Variants in IL4R observed in about 807,000 individuals in gnomAD.
IL4R encodes interleukin-4 receptor subunit alpha.
A neutral mutation model predicts 41.5 loss-of-function variants in IL4R; 17 were observed. The observed-to-expected ratio is 0.41, with a 90% confidence interval of 0.28 to 0.61. The LOEUF (loss-of-function observed/expected upper bound fraction) is 0.61, where lower values mean the gene tolerates loss of function less well. Ranked by LOEUF, IL4R falls within the 20% of genes least tolerant of loss-of-function variation. IL4R has a pLI of 0.31. For missense variants in IL4R, 974 were observed against 1,043.1 expected, an observed-to-expected ratio of 0.93 and a Z score of 0.91; for synonymous variants, 402 against 422.9, an observed-to-expected ratio of 0.95 and a Z score of 0.61.
In IL4R at chr16:27,345,835, G is replaced by C; in HGVS notation, c.362-632G>C. 6.6e-6 allele frequency among the ~76,000 whole-genome samples: 1 copy of C among 152,112 alleles called. No homozygotes were observed. The highest frequency in any genetic ancestry group is 1.9e-4 in the East Asian group (1 of 5,186). On this transcript the variant is annotated intron_variant, in intron 5 of 10. Transcript: ENST00000395762. The surrounding 1 kb of genome is among the most constrained non-coding windows in gnomAD (Gnocchi z 4.5). The stretch of plus-strand genomic sequence containing the variant: ...AAAATACAAAAAATTAGTCTGGCAT[G>C]GTGGCAGGCGCCTGTAATCCCAGCT...
intron 1 of IL4R, among the ~76,000 whole-genome samples, chr16:27,329,309 T>G (rs1307137549): frequency 6.6e-6 from 1 of 152,144 alleles, no homozygotes; most frequent in East Asian, 1.9e-4. Flanking sequence ...TGTAAATTAC[T>G]CAGTCTCAGA....
chr16:27,354,520 G>A (rs907023936), intron 7 of IL4R, among the ~76,000 whole-genome samples: 5 of 152,190 alleles, frequency 3.3e-5, no homozygotes, highest in Non-Finnish European at 7.3e-5. Flanking sequence ...CATGGTTACT[G>A]TTATTACTTG....
chr16:27,322,824 A>T (rs1156989691), intron 1 of IL4R, among the ~76,000 whole-genome samples: 1 of 152,208 alleles, frequency 6.6e-6, no homozygotes, highest in South Asian at 2.1e-4. Context: ...AAGCCAGATG[A>T]GTTAAAAACA....
chr16:27,318,540 A>C (rs1398968488), intron 1 of IL4R: 1 of 152,250 alleles, frequency 6.6e-6, no homozygotes, highest in Non-Finnish European at 1.5e-5. Context: ...CTGCATGCAC[A>C]GTTCTGTCTA....
intron 3 of IL4R, among the ~76,000 whole-genome samples, chr16:27,341,541 A>G (rs529129110): frequency 2.0e-5 from 3 of 152,102 alleles, no homozygotes; most frequent in Non-Finnish European, 4.4e-5. Flanking sequence ...CAGTCCTGCC[A>G]TGGCCACTGA....
intron 2 of IL4R, among the ~76,000 whole-genome samples, chr16:27,331,817 C>A (rs903894840): frequency 6.6e-6 from 1 of 151,922 alleles, no homozygotes; most frequent in African/African-American, 2.4e-5. Flanking sequence ...TCAGAATAAT[C>A]ACACAGATTT....
At chr16:27,318,047 T>C (rs1596738363) in intron 1 of IL4R, among the ~76,000 whole-genome samples, 1 of 152,204 alleles carries the variant, frequency 6.6e-6, no homozygotes, top group Admixed American at 6.5e-5. Context: ...CCAATACATA[T>C]GTTCAGATCG....
rs772907459 is a variant in IL4R, at chr16:27,355,776, C to A, written c.671-32C>A. ...GGAGCCCAGGCTGTACCATGGCTGA[C>A]CTCAGCTCATGGCTTCCCCTCCCAC... is the stretch of plus-strand genomic sequence containing the variant. On this transcript the variant is annotated intron_variant, in intron 7 of 10. Transcript: ENST00000395762. 2.7e-6 allele frequency: 4 copies of A among 1,484,498 alleles called. No individual in the cohort carries two copies. The African/African-American group carries it at 5.5e-5, about 21-fold the overall frequency. 92.0% of individuals were successfully genotyped at this position (1,484,498 alleles called of 1,614,324 possible). A position where few individuals can be genotyped will look rare whatever the true frequency, so the allele number is the denominator to read the frequency against.
At chr16:27,352,746 C>G in intron 7 of IL4R, 50 bp downstream of exon 7, 2 of 1,575,958 alleles carry the variant, frequency 1.3e-6, no homozygotes, top group South Asian at 1.1e-5. Flanking sequence ...TCCATTCTTC[C>G]CCTGTGGCCA....
chr16:27,351,379 G>T (rs1453966046), intron 6 of IL4R, among the ~76,000 whole-genome samples: 1 of 152,094 alleles, frequency 6.6e-6, no homozygotes, highest in Non-Finnish European at 1.5e-5. Context: ...TATTCTGTGG[G>T]TTAGAAACAA....
chr16:27,345,460 C>A lies in IL4R; in HGVS notation c.361+440C>A. On this transcript the variant is annotated intron_variant, in intron 5 of 10. Transcript: ENST00000395762. This position sits in a 1 kb window ranked among gnomAD's most constrained non-coding sequence, Gnocchi z 4.5. ...CCTGCAGGAATCCCCCTTGAGCTTG[C>A]TGGGCTGTGGTGACAGGAGTTTAAA... 3.1e-6 allele frequency: 1 copy of A among 324,152 alleles called. No homozygotes were observed. The highest frequency in any genetic ancestry group is 2.6e-5 in the South Asian group (1 of 38,484). The allele number at this position is 324,152 out of a possible 1,614,324, so 20.1% of individuals were successfully genotyped here. A position where few individuals can be genotyped will look rare whatever the true frequency, so the allele number is the denominator to read the frequency against.
Position 27,363,779 on chromosome 16 carries a change from CA to C in IL4R, c.2431del (p.Ile811SerfsTer2). The C allele has an allele frequency of 6.2e-7, 1 of 1,610,806 alleles. No homozygotes were observed. The stretch of plus-strand genomic sequence containing the variant: ...ATGCTCAGAGCTCAAGCCAGACCCC[CA>C]AAATCGTGAACTTTGTCTCCGTGGG... ...GNAQSSSQTP[K>X]IVNFVSVGPT... is the part of the protein sequence containing the mutation. On this transcript the variant is annotated frameshift_variant, in exon 11 of 11. Transcript: ENST00000395762. LOFTEE classifies it low-confidence loss of function (END_TRUNC).
At chr16:27,344,733 C>G in intron 4 of IL4R, 136 bp from the exon 5 acceptor site, 1 of 933,904 alleles carries the variant, frequency 1.1e-6, no homozygotes, top group Non-Finnish European at 1.6e-6. Flanking sequence ...GCTCCCAAGC[C>G]CCCAGATCTG....
intron 2 of IL4R, chr16:27,334,512 C>G (rs1037694302): frequency 6.6e-6 from 1 of 152,024 alleles, no homozygotes; most frequent in Non-Finnish European, 1.5e-5. Flanking sequence ...TTGTTGACTC[C>G]CCTGTTTCCC....
intron 7 of IL4R, chr16:27,355,070 G>A (rs1297373384): frequency 4.5e-6 from 2 of 449,326 alleles, no homozygotes; most frequent in Non-Finnish European, 9.6e-6. Flanking sequence ...CTAGACACTG[G>A]GGAATCGGCG....
At chr16:27,329,717 G>A (rs1188176494) in intron 1 of IL4R, among the ~76,000 whole-genome samples, 3 of 151,280 alleles carry the variant, frequency 2.0e-5, no homozygotes, top group African/African-American at 7.3e-5. Context: ...AAAACATTTT[G>A]CAGTCAAAGC....
At chr16:27,342,941 T>C (rs2085490814) in intron 4 of IL4R, among the ~76,000 whole-genome samples, 1 of 152,208 alleles carries the variant, frequency 6.6e-6, no homozygotes, top group Non-Finnish European at 1.5e-5. Flanking sequence ...AACGTCCCTG[T>C]ATTATGATGA....
intron 7 of IL4R, 39 bp from the exon 8 acceptor site, chr16:27,355,769 T>C (rs1197185936): frequency 1.4e-6 from 2 of 1,438,732 alleles, no homozygotes; most frequent in East Asian, 2.3e-5. Context: ...GGCTGTACCA[T>C]GGCTGACCTC....
chr16:27,339,772 T>C (rs1382369281), intron 2 of IL4R, among the ~76,000 whole-genome samples: 2 of 151,234 alleles, frequency 1.3e-5, no homozygotes, highest in East Asian at 3.9e-4. Flanking sequence ...GGCCAGGGCA[T>C]GGCTGGGCAG....
Sources: allele counts gnomAD v4.1 joint callset (sites outside exome capture counted in the v4.1 genomes callset), GRCh38; gene constraint gnomAD v4.1.1; non-coding constraint Gnocchi (gnomAD v3.1); transcripts MANE v1.5; gene names NCBI Gene and HGNC (gene_info 2026-07-23, HGNC 2026-07-21).